SYTL5: variants seen among roughly 807,000 people sequenced by gnomAD.
SYTL5 encodes synaptotagmin-like protein 5.
In SYTL5, 34 loss-of-function variants were observed where a neutral mutation model predicts 55.9. The ratio of observed to expected loss-of-function variants is 0.61; its 90% confidence interval spans 0.46 to 0.81. The LOEUF is 0.81. Ranked by LOEUF, SYTL5 falls within the 30% of genes least tolerant of loss-of-function variation. The pLI is 0.00. For synonymous variants in SYTL5, 221 were observed against 188.7 expected (o/e 1.17, Z -1.40); for missense variants, 637 against 546.7 (o/e 1.17, Z -1.65).
chrX:37,919,500 A>G, the SYTL5 span, among the ~76,000 whole-genome samples: 1 of 111,866 alleles, frequency 8.9e-6, no homozygotes, highest in Non-Finnish European at 1.9e-5. Context: ...TGATCTAAGT[A>G]TCCTAAATAC....
intron 9 of SYTL5, among the ~76,000 whole-genome samples, chrX:38,096,765 G>A (rs1040661755): frequency 1.8e-5 from 2 of 110,702 alleles, no homozygotes; most frequent in African/African-American, 6.5e-5. Flanking sequence ...AATAAAATAC[G>A]GACTCCTTGG....
At chrX:37,906,380 C>G in the SYTL5 span, 1 of 112,248 alleles carries the variant, frequency 8.9e-6, no homozygotes, top group African/African-American at 3.2e-5. Flanking sequence ...TGTCCGAATG[C>G]GGCGTTTATG....
intron 3 of SYTL5, among the ~76,000 whole-genome samples, chrX:38,055,715 T>G (rs1171050632): frequency 8.9e-6 from 1 of 112,274 alleles, no homozygotes; most frequent in African/African-American, 3.2e-5. Context: ...ACGCCTATAT[T>G]CAGTGCTTAC....
chrX:38,062,818 G>A (rs1035135528), intron 3 of SYTL5, among the ~76,000 whole-genome samples: 5 of 111,820 alleles, frequency 4.5e-5, no homozygotes, highest in South Asian at 7.5e-4. Context: ...GCAAATTACC[G>A]AACATCCCCA....
At chrX:37,978,936 T>C in the SYTL5 span, among the ~76,000 whole-genome samples, 1 of 111,722 alleles carries the variant, frequency 9.0e-6, no homozygotes, top group East Asian at 2.8e-4. Context: ...ACATTCTGTA[T>C]TATAACATAA....
chrX:37,993,673 A>T, the SYTL5 span, among the ~76,000 whole-genome samples: 1 of 112,319 alleles, frequency 8.9e-6, no homozygotes, highest in Non-Finnish European at 1.9e-5. Context: ...TGGAGGCAAA[A>T]TTGGGAGCAA....
chrX:37,968,477 G>T, the SYTL5 span, among the ~76,000 whole-genome samples: 14 of 111,436 alleles, frequency 1.3e-4, no homozygotes, highest in East Asian at 3.7e-3. Context: ...ATTTGATAAG[G>T]CTTCTTAAAT....
the SYTL5 span, among the ~76,000 whole-genome samples, chrX:37,987,135 T>G: frequency 8.9e-6 from 1 of 112,223 alleles, no homozygotes; most frequent in East Asian, 2.8e-4. Flanking sequence ...GTTCTAAGGT[T>G]CAGTGTCATT....
intron 1 of SYTL5, among the ~76,000 whole-genome samples, chrX:38,009,456 C>T (rs1232539297): frequency 8.9e-6 from 1 of 112,029 alleles, no homozygotes; most frequent in Non-Finnish European, 1.9e-5. Context: ...TTAATGATCT[C>T]TTGGTTTCTC....
At chrX:37,969,057 G>C in the SYTL5 span, among the ~76,000 whole-genome samples, 1 of 111,381 alleles carries the variant, frequency 9.0e-6, no homozygotes, top group Non-Finnish European at 1.9e-5. Context: ...GCCCTGGCTT[G>C]TTCTTTTTAA....
At chrX:38,064,509 A>G (rs977101205) in intron 3 of SYTL5, among the ~76,000 whole-genome samples, 2 of 111,274 alleles carry the variant, frequency 1.8e-5, no homozygotes, top group African/African-American at 3.3e-5. Flanking sequence ...ATTTATGTGT[A>G]TTGCACAATT....
the SYTL5 span, among the ~76,000 whole-genome samples, chrX:37,963,162 G>A: frequency 9.0e-6 from 1 of 111,068 alleles, no homozygotes; most frequent in African/African-American, 3.3e-5. Context: ...TTATTTCTAA[G>A]TATTTTATTC....
chrX:38,122,116 C>A lies in SYTL5; in HGVS notation c.1742C>A (p.Ser581Ter). Residue 581 changes from serine (S) to a stop codon, truncating the protein, a stop_gained, in exon 15 of 17, where the codon TCA becomes TAA. Coordinates refer to ENST00000297875, the MANE Select transcript of SYTL5 (RefSeq NM_138780.3). LOFTEE classifies it high-confidence loss of function. Reference protein sequence around the residue: ...KTFKKGKKKESPVISGGILEV... With the variant: ...KTFKKGKKKE The stretch of plus-strand genomic sequence containing the variant: ...TTTAAAAAGGGAAAGAAGAAGGAGT[C>A]ACCTGTAATCTCTGGAGGAATACTA... 8.3e-7 allele frequency: 1 copy of A among 1,197,647 alleles called. No individual in the cohort carries two copies. Among genetic ancestry groups the A allele is most frequent in the Non-Finnish European group, 1.1e-6 (1 of 887,439 alleles).
the SYTL5 span, among the ~76,000 whole-genome samples, chrX:37,912,883 C>T: frequency 9.0e-6 from 1 of 111,649 alleles, no homozygotes; most frequent in African/African-American, 3.3e-5. Context: ...GGCAGAATAC[C>T]AGTTTTATTA....
chrX:37,971,726 T>C, the SYTL5 span, among the ~76,000 whole-genome samples: 1 of 111,488 alleles, frequency 9.0e-6, no homozygotes, highest in Admixed American at 9.5e-5. Flanking sequence ...CCATTTTATA[T>C]AACTCTGGCA....
the SYTL5 span, among the ~76,000 whole-genome samples, chrX:37,949,730 T>C: frequency 8.9e-6 from 1 of 112,118 alleles, no homozygotes; most frequent in African/African-American, 3.2e-5. Context: ...TAAAAGGAAA[T>C]GTAGAGTACA....
chrX:38,014,536 G>A (rs1934287556), intron 1 of SYTL5, among the ~76,000 whole-genome samples: 1 of 112,106 alleles, frequency 8.9e-6, no homozygotes, highest in African/African-American at 3.2e-5. Context: ...CAGTGATACA[G>A]CCTCAGGAGG....
chrX:38,049,263 T>G, intron 2 of SYTL5, among the ~76,000 whole-genome samples: 1 of 112,207 alleles, frequency 8.9e-6, no homozygotes, highest in Non-Finnish European at 1.9e-5. Context: ...CAGCAACATC[T>G]CTGCAAGTGG....
chrX:38,034,390 C>T (rs59217456), intron 2 of SYTL5, among the ~76,000 whole-genome samples: 10,236 of 111,538 alleles, frequency 0.092, 989 homozygotes, highest in African/African-American at 0.29. Flanking sequence ...ATAACAGTAT[C>T]CACCTTATAG....
Sources: allele counts gnomAD v4.1 joint callset (sites outside exome capture counted in the v4.1 genomes callset), GRCh38; gene constraint gnomAD v4.1.1; transcripts MANE v1.5; gene names NCBI Gene and HGNC (gene_info 2026-07-23, HGNC 2026-07-21).